COBL: variants seen among roughly 807,000 people sequenced by gnomAD.
COBL encodes the protein cordon-bleu WH2 repeat protein.
A neutral mutation model predicts 98.8 loss-of-function variants in COBL; 51 were observed. The ratio of observed to expected loss-of-function variants is 0.52; its 90% confidence interval spans 0.41 to 0.65. The LOEUF (loss-of-function observed/expected upper bound fraction) is 0.65. COBL is among the 30% of genes least tolerant of loss of function. COBL has a pLI of 0.00. For synonymous variants in COBL, 634 were observed against 651.7 expected, an observed-to-expected ratio of 0.97 and a Z score of 0.41; for missense variants, 1,617 against 1,617.5, an observed-to-expected ratio of 1.00 and a Z score of 0.01.
intron 12 of COBL, among the ~76,000 whole-genome samples, chr7:51,023,830 C>G (rs1305354067): frequency 6.6e-6 from 1 of 152,152 alleles, no homozygotes; most frequent in African/African-American, 2.4e-5. Context: ...AGCTTGTGAC[C>G]TGGGGATGAG....
intron 5 of COBL, chr7:51,156,612 G>A (rs1385136328): frequency 1.0e-6 from 1 of 982,570 alleles, no homozygotes; most frequent in African/African-American, 1.8e-5. Context: ...CCACATGGAG[G>A]GTCAAATATT....
intron 1 of COBL, among the ~76,000 whole-genome samples, chr7:51,225,221 G>A (rs1197162474): frequency 6.6e-6 from 1 of 152,186 alleles, no homozygotes; most frequent in Non-Finnish European, 1.5e-5. Context: ...ATTTACGTGG[G>A]GACTCCACAT....
chr7:51,274,985 A>C (rs1384418206), intron 1 of COBL, among the ~76,000 whole-genome samples: 1 of 152,248 alleles, frequency 6.6e-6, no homozygotes, highest in Non-Finnish European at 1.5e-5. Context: ...ATATTAACAA[A>C]TTAAAATACA....
At chr7:51,149,553 A>G (rs1471713510) in intron 5 of COBL, among the ~76,000 whole-genome samples, 1 of 152,182 alleles carries the variant, frequency 6.6e-6, no homozygotes, top group Non-Finnish European at 1.5e-5. Flanking sequence ...TCTTACATGG[A>G]TTTAACCCAG....
intron 8 of COBL, 50 bp from the exon 9 acceptor site, chr7:51,030,959 T>C (rs1788079398): frequency 8.4e-7 from 1 of 1,197,210 alleles, no homozygotes; most frequent in African/African-American, 1.5e-5. Flanking sequence ...ACTATTGATT[T>C]AATGTACTCC....
chr7:51,123,628 G>T (rs1318513590), intron 6 of COBL, among the ~76,000 whole-genome samples: 1 of 152,138 alleles, frequency 6.6e-6, no homozygotes, highest in East Asian at 1.9e-4. Flanking sequence ...ATGGAGCAGG[G>T]GTACATTTTT....
chr7:51,174,779 C>T (rs2129045986), intron 5 of COBL, among the ~76,000 whole-genome samples: 1 of 152,320 alleles, frequency 6.6e-6, no homozygotes, highest in East Asian at 1.9e-4. Flanking sequence ...TAAAAACCTT[C>T]TTATAACCAT....
Position 51,028,561 on chromosome 7 carries a change from C to T in COBL, c.2535G>A (p.Arg845=), listed in dbSNP as rs770787924. The T allele has an allele frequency of 4.3e-6, 7 of 1,614,134 alleles. No individual in the cohort carries two copies. In the African/African-American group the frequency reaches 9.3e-5, roughly 22 times the overall value. ...QPPTMGMGHV[R]VPAAHTTEVT... ...CTTCTGTGGTGTGAGCTGCTGGCACCCTCACGTGACCCATGCCCATGGTGG... is the reference window on the plus strand; with the variant it reads ...CTTCTGTGGTGTGAGCTGCTGGCACTCTCACGTGACCCATGCCCATGGTGG... Residue 845 remains arginine, a synonymous_variant, in exon 10 of 13, where the codon AGG becomes AGA. Coordinates refer to ENST00000265136, the MANE Select transcript of COBL (RefSeq NM_015198.5).
At chr7:51,058,358 A>T (rs1480881875) in intron 7 of COBL, among the ~76,000 whole-genome samples, 1 of 152,158 alleles carries the variant, frequency 6.6e-6, no homozygotes, top group Non-Finnish European at 1.5e-5. Flanking sequence ...GACCAGCCTC[A>T]GCAACAAAGC....
At chr7:51,269,250 A>G (rs1352014537) in intron 1 of COBL, among the ~76,000 whole-genome samples, 1 of 152,132 alleles carries the variant, frequency 6.6e-6, no homozygotes, top group African/African-American at 2.4e-5. Context: ...TTTCCTCACA[A>G]TGGGAGGGCA....
intron 2 of COBL, among the ~76,000 whole-genome samples, chr7:51,210,663 T>C (rs1169477826): frequency 6.6e-6 from 1 of 152,214 alleles, no homozygotes; most frequent in Non-Finnish European, 1.5e-5. Flanking sequence ...ACTCGTCTTA[T>C]GATGTTTCCT....
chr7:51,064,953 A>G, intron 7 of COBL: 2 of 592,848 alleles, frequency 3.4e-6, no homozygotes, highest in Non-Finnish European at 6.0e-6. Flanking sequence ...ATTCAGGCTC[A>G]TTTTCCTCTC....
chr7:51,287,511 C>T lies in COBL; in HGVS notation c.41+29082G>A, dbSNP rs184814492. 9.4e-4 allele frequency among the ~76,000 whole-genome samples: 143 copies of T among 152,310 alleles called. 1 individual carries two copies. Among genetic ancestry groups the T allele is most frequent in the African/African-American group, 3.2e-3 (131 of 41,552 alleles). ...TGGTGAGGATACAAAGCAATTGGAG[C>T]TCTCATGCACTGCTGGTGGGAATGC... is the stretch of plus-strand genomic sequence containing the variant. On this transcript the variant is annotated intron_variant, in intron 1 of 12. Transcript: ENST00000265136.
intron 2 of COBL, among the ~76,000 whole-genome samples, chr7:51,215,451 G>A (rs895700558): frequency 2.0e-5 from 3 of 152,214 alleles, no homozygotes; most frequent in Non-Finnish European, 2.9e-5. Flanking sequence ...GGGAGGTTGG[G>A]AAGGCGGGCA....
At chr7:51,313,384 C>A (rs1233805954) in intron 1 of COBL, among the ~76,000 whole-genome samples, 1 of 152,152 alleles carries the variant, frequency 6.6e-6, no homozygotes, top group Non-Finnish European at 1.5e-5. Context: ...TCAAGTTACC[C>A]ACTTCGATTA....
intron 6 of COBL, among the ~76,000 whole-genome samples, chr7:51,102,403 G>GA (rs967937577): frequency 1.1e-4 from 17 of 152,196 alleles, no homozygotes; most frequent in African/African-American, 4.1e-4. Context: ...AAGGGGGAGG[G>GA]AAGTTCTAAC....
At chr7:51,121,953 T>C (rs988929011) in intron 6 of COBL, among the ~76,000 whole-genome samples, 2 of 152,200 alleles carry the variant, frequency 1.3e-5, no homozygotes, top group African/African-American at 4.8e-5. Flanking sequence ...AGTACAAGGA[T>C]AAGAACAGCA....
At chr7:51,270,883 A>G (rs1025036916) in intron 1 of COBL, among the ~76,000 whole-genome samples, 1 of 152,164 alleles carries the variant, frequency 6.6e-6, no homozygotes, top group Non-Finnish European at 1.5e-5. Flanking sequence ...GCAAGTATGT[A>G]TGTTTGTTCC....
At chr7:51,070,273 A>ACT (rs1421591743) in intron 7 of COBL, among the ~76,000 whole-genome samples, 1 of 152,156 alleles carries the variant, frequency 6.6e-6, no homozygotes, top group Non-Finnish European at 1.5e-5. Flanking sequence ...CTCTGTCTTC[A>ACT]CTGAAGTGTT....
Sources: gnomAD v4.1 joint callset for allele counts (sites outside exome capture counted in the v4.1 genomes callset) on GRCh38, gnomAD v4.1.1 for gene constraint, MANE v1.5 for transcripts, NCBI Gene and HGNC (gene_info 2026-07-23, HGNC 2026-07-21) for gene names.